Variants in PPFIBP2 observed in about 807,000 individuals in gnomAD.
The protein encoded by PPFIBP2 is PPFIB scaffold protein 2, also known as liprin-beta-2.
Under a neutral mutation model 118.3 loss-of-function variants are expected in PPFIBP2, and 118 were observed. That is an observed-to-expected ratio of 1.00 (90% confidence interval 0.86 to 1.16). PPFIBP2 has a LOEUF of 1.16. PPFIBP2 is among the 50% of genes most tolerant of loss of function. PPFIBP2 has a pLI of 0.00. For missense variants in PPFIBP2, 1,195 were observed against 1,073.1 expected (o/e 1.11, Z -1.59); for synonymous variants, 414 against 397.4 (o/e 1.04, Z -0.50).
At chr11:7,518,032 G>A (rs1202882984) in intron 1 of PPFIBP2, among the ~76,000 whole-genome samples, 2 of 152,242 alleles carry the variant, frequency 1.3e-5, no homozygotes, top group African/African-American at 4.8e-5. Flanking sequence ...GGTGGAGGTG[G>A]ATTGCTAGGA....
At chr11:7,665,735 C>T in the PPFIBP2 span, 1 of 1,240,304 alleles carries the variant, frequency 8.1e-7, no homozygotes, top group South Asian at 1.5e-5. Flanking sequence ...GCAATCACCC[C>T]AGGTCCCAGG....
At chr11:7,575,935 G>A (rs1261194666) in intron 3 of PPFIBP2, among the ~76,000 whole-genome samples, 3 of 152,236 alleles carry the variant, frequency 2.0e-5, no homozygotes, top group Non-Finnish European at 4.4e-5. Context: ...CTGTCTGGGT[G>A]TGTCTCCAGG....
intron 1 of PPFIBP2, among the ~76,000 whole-genome samples, chr11:7,537,597 C>G (rs1437441829): frequency 2.0e-5 from 3 of 152,250 alleles, no homozygotes; most frequent in Non-Finnish European, 2.9e-5. Flanking sequence ...TAGACCCACT[C>G]TTTCTGAGCG....
At chr11:7,542,542 T>C (rs1851905380) in intron 1 of PPFIBP2, among the ~76,000 whole-genome samples, 1 of 152,256 alleles carries the variant, frequency 6.6e-6, no homozygotes, top group South Asian at 2.1e-4. Context: ...TTTTTAGTCA[T>C]GTATTTTTAT....
intron 3 of PPFIBP2, among the ~76,000 whole-genome samples, chr11:7,578,751 A>G (rs1274436104): frequency 6.6e-6 from 1 of 152,192 alleles, no homozygotes; most frequent in Non-Finnish European, 1.5e-5. Flanking sequence ...AGGAAATTAT[A>G]CTTCGCTGAA....
At chr11:7,555,560 G>A (rs770293371) in intron 2 of PPFIBP2, among the ~76,000 whole-genome samples, 19 of 152,294 alleles carry the variant, frequency 1.2e-4, no homozygotes, top group Non-Finnish European at 2.4e-4. Context: ...GCATTCATCA[G>A]TATCGGACTC....
At chr11:7,637,691 T>C (rs1457851878) in intron 14 of PPFIBP2, among the ~76,000 whole-genome samples, 1 of 152,268 alleles carries the variant, frequency 6.6e-6, no homozygotes, top group African/African-American at 2.4e-5. Flanking sequence ...TTGAGCATCC[T>C]TGTTTCCTCT....
At chr11:7,541,526 G>T (rs764977126) in intron 1 of PPFIBP2, among the ~76,000 whole-genome samples, 3 of 152,160 alleles carry the variant, frequency 2.0e-5, no homozygotes, top group Admixed American at 2.0e-4. Context: ...ACTTCTGGCT[G>T]CTCCTCCTGT....
chr11:7,599,003 C>G (rs1163635634), intron 5 of PPFIBP2, among the ~76,000 whole-genome samples: 2 of 139,406 alleles, frequency 1.4e-5, no homozygotes, highest in Non-Finnish European at 3.0e-5. Flanking sequence ...TAATAAATTA[C>G]CACATTCTTG....
intron 14 of PPFIBP2, among the ~76,000 whole-genome samples, chr11:7,636,103 A>C (rs1191846603): frequency 1.3e-5 from 2 of 152,208 alleles, no homozygotes; most frequent in Admixed American, 6.5e-5. Flanking sequence ...CCATAAAGAA[A>C]TGAAGATTCA....
chr11:7,661,424 G>A, downstream of PPFIBP2, among the ~76,000 whole-genome samples: 1 of 151,672 alleles, frequency 6.6e-6, no homozygotes, highest in Non-Finnish European at 1.5e-5. Context: ...TCATTCAGGA[G>A]CAGGTTGTTC....
chr11:7,667,159 TAATCTA>T, the PPFIBP2 span: 3 of 151,152 alleles, frequency 2.0e-5, no homozygotes, highest in Admixed American at 6.6e-5. Context: ...TTTTAGAAAA[TAATCTA>T]AAAGTAATCA....
rs376840316 is a variant in PPFIBP2 at position 7,629,387 on chromosome 11, G to A, written c.889-72G>A. 6.7e-5 allele frequency: 96 copies of A among 1,425,518 alleles called. 1 individual carries two copies. The highest frequency in any genetic ancestry group is 5.4e-4 in the Admixed American group (32 of 59,650). 88.3% of individuals were successfully genotyped at this position (1,425,518 alleles called of 1,614,324 possible). A position where few individuals can be genotyped will look rare whatever the true frequency, so the allele number is the denominator to read the frequency against. On this transcript the variant is annotated intron_variant, in intron 9 of 23. Coordinates refer to ENST00000299492, the MANE Select transcript of PPFIBP2 (RefSeq NM_003621.5). ...CTTCTCCTTGTGCCAAGAACATAGC[G>A]TGGGTTCCAAAATGAAATCATCTGA...
chr11:7,640,542 C>A (rs1329643715), intron 15 of PPFIBP2, among the ~76,000 whole-genome samples: 2 of 152,238 alleles, frequency 1.3e-5, no homozygotes, highest in Non-Finnish European at 2.9e-5. Flanking sequence ...TCCTGAGGCT[C>A]CTCAGCCTCA....
At position 7,565,556 on chromosome 11, in the gene PPFIBP2, C is replaced by G; in HGVS notation, c.68C>G (p.Thr23Ser). Residue 23 changes from threonine to serine, a missense_variant, in exon 3 of 24, where the codon ACT becomes AGT. Coordinates refer to ENST00000299492, the MANE Select transcript of PPFIBP2 (RefSeq NM_003621.5). ...TTTCACCTCTCTCTCATTGCAGGCA[C>G]TAAAACAGGTGCAGATCTTAGTGAT... ...LEQMDGIIAG[T>S]KTGADLSDGT... 6.2e-7 allele frequency: 1 copy of G among 1,614,218 alleles called. No homozygotes were observed. The highest frequency in any genetic ancestry group is 8.5e-7 in the Non-Finnish European group (1 of 1,180,036).
intron 1 of PPFIBP2, among the ~76,000 whole-genome samples, chr11:7,548,068 GCT>G (rs1852526395): frequency 6.6e-6 from 1 of 152,120 alleles, no homozygotes; most frequent in East Asian, 1.9e-4. Context: ...TGTGCTTAGT[GCT>G]CTCTACATAA....
chr11:7,558,754 A>G (rs9988821), intron 2 of PPFIBP2, among the ~76,000 whole-genome samples: 77,442 of 148,604 alleles, frequency 0.52, 21,502 homozygotes, highest in African/African-American at 0.74. Flanking sequence ...ACTCTGTCTC[A>G]AAAAAAAAAA....
In PPFIBP2 at chr11:7,642,427, G is replaced by T. The variant is rs1852330634; in HGVS notation, c.1646+1G>T. On this transcript the variant is annotated splice_donor_variant, in intron 17 of 23. Coordinates refer to ENST00000299492, the MANE Select transcript of PPFIBP2 (RefSeq NM_003621.5). LOFTEE classifies it high-confidence loss of function. ...CCAGGGACTCCAAGGGACAGAAAAG[G>T]TAAGGCTTGACCCACTTTCCTTTGA... The T allele has an allele frequency of 1.2e-6, 2 of 1,612,108 alleles. No individual in the cohort carries two copies. The highest frequency in any genetic ancestry group is 1.6e-4 in the Middle Eastern group (1 of 6,080).
chr11:7,657,767 C>T (rs559430787), downstream of PPFIBP2, among the ~76,000 whole-genome samples: 108 of 152,316 alleles, frequency 7.1e-4, no homozygotes, highest in African/African-American at 2.5e-3. Context: ...GAAGCCTTCC[C>T]GCATGATCCA....
Sources: gnomAD v4.1 joint callset for allele counts (sites outside exome capture counted in the v4.1 genomes callset) on GRCh38, gnomAD v4.1.1 for gene constraint, MANE v1.5 for transcripts, NCBI Gene and HGNC (gene_info 2026-07-23, HGNC 2026-07-21) for gene names.